Variants in TRAT1 observed in about 807,000 individuals in gnomAD.
The protein encoded by TRAT1 is T cell receptor associated transmembrane adaptor 1.
In TRAT1, 20 loss-of-function variants were observed where a neutral mutation model predicts 20.0. The ratio of observed to expected loss-of-function variants is 1.00; its 90% CI spans 0.70 to 1.45. The LOEUF (loss-of-function observed/expected upper bound fraction) is 1.45. TRAT1 is among the 40% of genes most tolerant of loss of function. TRAT1 has a pLI of 0.00. For missense variants in TRAT1, 237 were observed against 224.1 expected, an observed-to-expected ratio of 1.06 and a Z score of -0.37; for synonymous variants, 77 against 74.2, an observed-to-expected ratio of 1.04 and a Z score of -0.20.
chr3:108,846,024 C>A (rs1366594564), intron 3 of TRAT1, among the ~76,000 whole-genome samples: 2 of 152,128 alleles, frequency 1.3e-5, no homozygotes, highest in Non-Finnish European at 2.9e-5. Flanking sequence ...ACCTGAGGGT[C>A]GGGGAGACAT....
At chr3:108,828,566 C>G (rs992018839) in intron 1 of TRAT1, among the ~76,000 whole-genome samples, 2 of 152,072 alleles carry the variant, frequency 1.3e-5, no homozygotes, top group Non-Finnish European at 2.9e-5. Flanking sequence ...AATCCCCAGG[C>G]CTTTATATTT....
At chr3:108,843,499 C>G (rs1300285626) in intron 3 of TRAT1, among the ~76,000 whole-genome samples, 1 of 152,016 alleles carries the variant, frequency 6.6e-6, no homozygotes, top group African/African-American at 2.4e-5. Context: ...CACTGCACTC[C>G]AACATGGTGA....
In TRAT1 at chr3:108,853,922, G is replaced by A. The variant is rs998775415; in HGVS notation, c.*45G>A. ...AATGATTTGGCTCCTATTGAAGATGGCTTCTAAGAAAACAAGATGCACAGA... is the reference window on the plus strand; with the variant it reads ...AATGATTTGGCTCCTATTGAAGATGACTTCTAAGAAAACAAGATGCACAGA... On this transcript the variant is annotated 3_prime_UTR_variant, in exon 6 of 6. Coordinates refer to ENST00000295756, the MANE Select transcript of TRAT1 (RefSeq NM_016388.4). 5.7e-6 allele frequency: 9 copies of A among 1,591,512 alleles called. No homozygotes were observed. Among genetic ancestry groups the A allele is most frequent in the Non-Finnish European group, 7.7e-6 (9 of 1,165,096 alleles).
rs61585973 is a variant in TRAT1, at chr3:108,853,758, T to C, written c.442T>C (p.Ser148Pro). The C allele has an allele frequency of 4.0e-4, 643 of 1,614,152 alleles. 3 individuals are homozygous for C. In the African/African-American group the frequency reaches 8.1e-3, roughly 20 times the overall value. ...ACTACATGCAATAGATGCCAGCGTTTCTAAGACCACCTTAGTAGACAGTTT... is the reference window on the plus strand; with the variant it reads ...ACTACATGCAATAGATGCCAGCGTTCCTAAGACCACCTTAGTAGACAGTTT... Reference protein sequence around the residue: ...EQLHAIDASVSKTTLVDSFSP... With the variant: ...EQLHAIDASVPKTTLVDSFSP... The change falls in exon 6 of 6, where the codon TCT becomes CCT. Residue 148 changes from serine (S) to proline (P), a missense_variant. Coordinates refer to ENST00000295756, the MANE Select transcript of TRAT1 (RefSeq NM_016388.4).
intron 5 of TRAT1, among the ~76,000 whole-genome samples, chr3:108,851,571 A>AT (rs978682301): frequency 6.6e-6 from 1 of 150,734 alleles, no homozygotes; most frequent in Admixed American, 6.6e-5. Context: ...TCAAGTTTCC[A>AT]TTTTTTTAAT....
At chr3:108,824,711 A>T (rs547821322) in intron 1 of TRAT1, among the ~76,000 whole-genome samples, 3 of 152,322 alleles carry the variant, frequency 2.0e-5, no homozygotes, top group Middle Eastern at 3.4e-3. Context: ...TACAATTTTC[A>T]TACCTCTCCT....
chr3:108,834,317 C>T (rs914153082), intron 2 of TRAT1, among the ~76,000 whole-genome samples: 5 of 152,188 alleles, frequency 3.3e-5, no homozygotes, highest in Admixed American at 2.0e-4. Context: ...TATTCATCAA[C>T]GCTAAGAATG....
intron 3 of TRAT1, among the ~76,000 whole-genome samples, chr3:108,844,213 G>A (rs763951396): frequency 6.6e-6 from 1 of 152,126 alleles, no homozygotes; most frequent in Non-Finnish European, 1.5e-5. Context: ...TCTAGAACTT[G>A]GGAACTGAAA....
At chr3:108,833,160 G>A (rs947330425) in intron 2 of TRAT1, among the ~76,000 whole-genome samples, 5 of 150,998 alleles carry the variant, frequency 3.3e-5, no homozygotes, top group South Asian at 4.1e-4. Flanking sequence ...AGCAGTGCCT[G>A]TAATCCCAGT....
At chr3:108,829,724 T>C (rs190904954) in intron 1 of TRAT1, among the ~76,000 whole-genome samples, 1 of 152,238 alleles carries the variant, frequency 6.6e-6, no homozygotes. Context: ...TGGGATGTCA[T>C]AGTGCAATGC....
intron 2 of TRAT1, among the ~76,000 whole-genome samples, chr3:108,838,359 TAGA>T (rs1945858855): frequency 1.2e-4 from 6 of 49,580 alleles, no homozygotes; most frequent in South Asian, 7.0e-4. Flanking sequence ...AGATAGATGA[TAGA>T]TAGATAGATA....
chr3:108,825,836 T>C (rs1386803915), intron 1 of TRAT1, among the ~76,000 whole-genome samples: 8 of 152,160 alleles, frequency 5.3e-5, no homozygotes, highest in Non-Finnish European at 7.4e-5. Context: ...TAAAGTATTT[T>C]ATTGGATGAA....
At chr3:108,831,343 A>G (rs1362438377) in intron 2 of TRAT1, among the ~76,000 whole-genome samples, 1 of 152,178 alleles carries the variant, frequency 6.6e-6, no homozygotes, top group African/African-American at 2.4e-5. Flanking sequence ...TGCTGGGCAT[A>G]AGTTTTAACC....
chr3:108,834,799 C>T (rs1159422616), intron 2 of TRAT1, among the ~76,000 whole-genome samples: 2 of 152,184 alleles, frequency 1.3e-5, no homozygotes, highest in Admixed American at 1.3e-4. Flanking sequence ...ACAATATCTG[C>T]ACATTCAATC....
Position 108,854,751 on chromosome 3 carries a change from A to G in TRAT1, c.*874A>G, listed in dbSNP as rs936681545. ...AATGTCTGCTTAGCACCCCACTGAT[A>G]ACCAAATCACAGTTTATTTAAATAA... On this transcript the variant is annotated 3_prime_UTR_variant, in exon 6 of 6. Transcript: ENST00000295756. 1 of 152,156 alleles carries G rather than the reference A, an allele frequency of 6.6e-6. No homozygotes were observed. Among genetic ancestry groups the G allele is most frequent in the Admixed American group, 6.5e-5 (1 of 15,278 alleles). 9.4% of individuals were successfully genotyped at this position (152,156 alleles called of 1,614,324 possible).
intron 2 of TRAT1, among the ~76,000 whole-genome samples, chr3:108,835,196 C>T (rs1450983556): frequency 6.6e-6 from 1 of 152,126 alleles, no homozygotes; most frequent in African/African-American, 2.4e-5. Context: ...GGAGGGTTAA[C>T]ACTCTAAGAG....
chr3:108,841,176 AC>A (rs1320802397), intron 3 of TRAT1, among the ~76,000 whole-genome samples: 1 of 152,258 alleles, frequency 6.6e-6, no homozygotes, highest in Non-Finnish European at 1.5e-5. Flanking sequence ...TCCTGCAACA[AC>A]AAAGATACAA....
At chr3:108,849,310 C>T (rs2107515838) in intron 5 of TRAT1, 56 bp downstream of exon 5, 2 of 1,393,072 alleles carry the variant, frequency 1.4e-6, no homozygotes, top group East Asian at 4.6e-5. Flanking sequence ...AAGAGTAGTA[C>T]ATTATGATAC....
chr3:108,849,788 A>T (rs934033824), intron 5 of TRAT1, among the ~76,000 whole-genome samples: 3 of 152,224 alleles, frequency 2.0e-5, no homozygotes, highest in African/African-American at 4.8e-5. Context: ...CGTAGGCAGG[A>T]CAAAAACCTA....
Sources: allele counts gnomAD v4.1 joint callset (sites outside exome capture counted in the v4.1 genomes callset), GRCh38; gene constraint gnomAD v4.1.1; transcripts MANE v1.5; gene names NCBI Gene and HGNC (gene_info 2026-07-23, HGNC 2026-07-21).